PLEKHH1: variants seen among roughly 807,000 people sequenced by gnomAD.
The protein encoded by PLEKHH1 is pleckstrin homology domain-containing family H member 1.
Under a neutral mutation model 160.0 loss-of-function variants are expected in PLEKHH1, and 104 were observed. That is an observed-to-expected ratio of 0.65 (90% CI 0.55 to 0.76). PLEKHH1 has a LOEUF of 0.76. Ranked by LOEUF, PLEKHH1 falls within the 30% of genes least tolerant of loss-of-function variation. The pLI is 0.00. For synonymous variants in PLEKHH1, 619 were observed against 678.4 expected (o/e 0.91, Z 1.36); for missense variants, 1,427 against 1,724.1 (o/e 0.83, Z 3.05).
chr14:67,586,954 G>T (rs1463040265), intron 28 of PLEKHH1, 120 bp from the exon 29 acceptor site: 4 of 1,542,788 alleles, frequency 2.6e-6, no homozygotes, highest in Non-Finnish European at 2.6e-6. Flanking sequence ...TCCCAGGTGG[G>T]TATTTTAAGA....
chr14:67,571,202 T>C (rs1310098575), intron 9 of PLEKHH1: 1 of 157,148 alleles, frequency 6.4e-6, no homozygotes, highest in East Asian at 1.8e-4. Context: ...CATGTGTCTG[T>C]AGGACAGAGT....
rs1325337286 is a variant in PLEKHH1 at position 67,570,003 on chromosome 14, A to T, written c.1425A>T (p.Ala475=). The change falls in exon 9 of 29, where the codon GCA becomes GCT. Residue 475 remains alanine (A), a synonymous_variant. Coordinates refer to ENST00000329153, the MANE Select transcript of PLEKHH1 (RefSeq NM_020715.3). ...YKNVTVPVYT[A]LKGRATQISN... ...ATGTCACTGTGCCTGTCTACACAGC[A>T]CTGAAGGGGGTAAGAAACTGCTGCA... 3 of 1,594,542 alleles carry T rather than the reference A, an allele frequency of 1.9e-6. No homozygotes were observed. The highest frequency in any genetic ancestry group is 2.6e-6 in the Non-Finnish European group (3 of 1,166,342).
chr14:67,570,149 G>T (rs2035304025), intron 9 of PLEKHH1, 137 bp downstream of exon 9: 5 of 716,246 alleles, frequency 7.0e-6, no homozygotes, highest in Non-Finnish European at 2.3e-6. Context: ...CCCAGCACGT[G>T]TCATTTTGTT....
chr14:67,583,935 C>T, intron 25 of PLEKHH1, 52 bp downstream of exon 25: 3 of 1,611,864 alleles, frequency 1.9e-6, no homozygotes, highest in African/African-American at 1.3e-5. Context: ...GGTCTCAGGC[C>T]TGGAATGAAG....
chr14:67,581,947 C>T, intron 23 of PLEKHH1, 122 bp from the exon 24 acceptor site: 1 of 949,356 alleles, frequency 1.1e-6, no homozygotes. Context: ...ACAAAATAGG[C>T]TCATAAATAG....
chr14:67,562,951 T>A lies in PLEKHH1; in HGVS notation c.1263+57T>A, dbSNP rs530255861. On this transcript the variant is annotated intron_variant, in intron 7 of 28. Transcript: ENST00000329153. ...GCAGAGCTAATGGCAAGAACACTGC[T>A]GGCTGAGCACAGCCATGCACTGAGC... is the stretch of plus-strand genomic sequence containing the variant. 108 of 1,543,214 alleles carry A rather than the reference T, an allele frequency of 7.0e-5. 1 individual carries two copies. Among genetic ancestry groups the A allele is most frequent in the Non-Finnish European group, 7.9e-5 (90 of 1,141,934 alleles).
intron 1 of PLEKHH1, among the ~76,000 whole-genome samples, chr14:67,535,466 C>T (rs1241998723): frequency 6.7e-6 from 1 of 150,118 alleles, no homozygotes; most frequent in Non-Finnish European, 1.5e-5. Flanking sequence ...CTACAACCTC[C>T]GCCTCCAGGG....
intron 9 of PLEKHH1, 151 bp from the exon 10 acceptor site, chr14:67,571,601 G>A (rs1402281632): frequency 1.3e-5 from 9 of 679,814 alleles, no homozygotes; most frequent in Non-Finnish European, 1.8e-5. Context: ...AGTGAGGCCA[G>A]GAGGGACCTT....
chr14:67,542,191 G>A (rs1461240903), intron 2 of PLEKHH1, among the ~76,000 whole-genome samples, 198 bp downstream of exon 2: 1 of 152,148 alleles, frequency 6.6e-6, no homozygotes, highest in African/African-American at 2.4e-5. Context: ...GTCTTTGCTC[G>A]CTCATTAAGG....
chr14:67,584,792 A>G (rs892752395), intron 26 of PLEKHH1, among the ~76,000 whole-genome samples: 1 of 152,252 alleles, frequency 6.6e-6, no homozygotes, highest in Admixed American at 6.5e-5. Context: ...CAGGAGATGT[A>G]TATTCATCAA....
chr14:67,565,841 C>T (rs887919848), intron 7 of PLEKHH1, among the ~76,000 whole-genome samples: 10 of 152,128 alleles, frequency 6.6e-5, no homozygotes, highest in Admixed American at 2.0e-4. Flanking sequence ...GGTTCAAATC[C>T]GGGCTCAGTA....
intron 26 of PLEKHH1, 64 bp downstream of exon 26, chr14:67,584,188 C>G: frequency 6.4e-7 from 1 of 1,556,488 alleles, no homozygotes. Context: ...CATGTTTGAG[C>G]CATACCAATT....
chr14:67,587,498 C>A lies in PLEKHH1; in HGVS notation c.*263C>A. On this transcript the variant is annotated 3_prime_UTR_variant, in exon 29 of 29. Transcript: ENST00000329153. Reference sequence around the variant, plus strand: ...TAATGACTCCAGATGCTACCTGATTCTAGACATAGACAGGGATGATCCACT... The same window carrying A: ...TAATGACTCCAGATGCTACCTGATTATAGACATAGACAGGGATGATCCACT... 2.0e-6 allele frequency: 1 copy of A among 489,140 alleles called. No individual in the cohort carries two copies. Among genetic ancestry groups the A allele is most frequent in the Non-Finnish European group, 3.7e-6 (1 of 269,200 alleles). 30.3% of individuals were successfully genotyped at this position (489,140 alleles called of 1,614,324 possible). A position where few individuals can be genotyped will look rare whatever the true frequency, so the allele number is the denominator to read the frequency against.
Position 67,579,890 on chromosome 14 carries a change from AC to A in PLEKHH1, c.3183+15del. On this transcript the variant is annotated intron_variant, in intron 22 of 28. Transcript: ENST00000329153. ...GGAAGTGTCAAGGTGACAGCCTCCC[AC>A]TAAGCCAGCTGAGCCCCTCCCTGCT... 6.3e-7 allele frequency: 1 copy of A among 1,585,220 alleles called. No individual in the cohort carries two copies. Among genetic ancestry groups the A allele is most frequent in the South Asian group, 1.2e-5 (1 of 86,814 alleles).
In PLEKHH1 at chr14:67,586,867, G is replaced by A. The variant is rs576890311; in HGVS notation, c.3934-207G>A. 9.2e-6 allele frequency: 14 copies of A among 1,516,382 alleles called. No individual in the cohort carries two copies. The African/African-American group carries it at 1.4e-4, about 15-fold the overall frequency. The allele number at this position is 1,516,382 out of a possible 1,614,324, so 93.9% of individuals were successfully genotyped here. A position where few individuals can be genotyped will look rare whatever the true frequency, so the allele number is the denominator to read the frequency against. Reference sequence around the variant, plus strand: ...TCTCAGAAGGGCACTGTGCATCTGAGAGGATCTCCAGACCAACAGGAGCCC... The same window carrying A: ...TCTCAGAAGGGCACTGTGCATCTGAAAGGATCTCCAGACCAACAGGAGCCC... On this transcript the variant is annotated intron_variant, in intron 28 of 28. Coordinates refer to ENST00000329153, the MANE Select transcript of PLEKHH1 (RefSeq NM_020715.3).
In PLEKHH1 at chr14:67,557,296, C is replaced by T. The variant is rs536548660; in HGVS notation, c.217C>T (p.Leu73=). Residue 73 remains leucine, a synonymous_variant, in exon 4 of 29, where the codon CTA becomes TTA. Transcript: ENST00000329153. ...GGGTGTCATGGAAGAGAAGGTAAAA[C>T]TATCCAATCTGAAGAATGTGGACTC... The part of the protein sequence containing the change: ...QVGVMEEKVK[L]SNLKNVDSEG... 390 of 1,613,736 alleles carry T rather than the reference C, an allele frequency of 2.4e-4. 3 individuals are homozygous for T. The South Asian group carries it at 4.1e-3, about 17-fold the overall frequency.
intron 9 of PLEKHH1, 162 bp downstream of exon 9, chr14:67,570,174 G>T (rs1359146926): frequency 7.6e-6 from 2 of 264,126 alleles, no homozygotes; most frequent in Non-Finnish European, 1.2e-5. Flanking sequence ...TGTTTATTAG[G>T]TTATTATAAA....
At position 67,578,487 on chromosome 14, in the gene PLEKHH1, G is replaced by A; in HGVS notation, c.2752-47G>A. ...TAGCTCAGGGCTATGAGGACAGGTG[G>A]TGCTGTAGGCCCAGCACTCACCCCA... On this transcript the variant is annotated intron_variant, in intron 19 of 28. Transcript: ENST00000329153. The surrounding 1 kb of genome is among the most constrained non-coding windows in gnomAD (Gnocchi z 5.0). 1 of 1,253,248 alleles carries A rather than the reference G, an allele frequency of 8.0e-7. No individual in the cohort carries two copies. Among genetic ancestry groups the A allele is most frequent in the South Asian group, 1.3e-5 (1 of 79,408 alleles). The allele number at this position is 1,253,248 out of a possible 1,614,324, so 77.6% of individuals were successfully genotyped here.
chr14:67,538,435 C>T (rs566893708), intron 1 of PLEKHH1, among the ~76,000 whole-genome samples: 116 of 152,304 alleles, frequency 7.6e-4, no homozygotes, highest in African/African-American at 2.7e-3. Context: ...ACACATGCGT[C>T]GCAATGCTTT....
Sources: allele counts gnomAD v4.1 joint callset (sites outside exome capture counted in the v4.1 genomes callset), GRCh38; gene constraint gnomAD v4.1.1; non-coding constraint Gnocchi (gnomAD v3.1); transcripts MANE v1.5; gene names NCBI Gene and HGNC (gene_info 2026-07-23, HGNC 2026-07-21).